Variants in DLEU7 observed in about 807,000 individuals in gnomAD.
DLEU7 encodes the protein leukemia-associated protein 7.
In DLEU7, 17 loss-of-function variants were observed where a neutral mutation model predicts 16.0. That is an observed-to-expected ratio of 1.06 (90% CI 0.73 to 1.59). The LOEUF (loss-of-function observed/expected upper bound fraction) is 1.59, where lower values mean the gene tolerates loss of function less well. Among genes scored for constraint, DLEU7 ranks in the 40% most tolerant of loss-of-function variants. The pLI is 0.00. For missense variants in DLEU7, 308 were observed against 314.9 expected (o/e 0.98, Z 0.17); for synonymous variants, 113 against 139.8 (o/e 0.81, Z 1.35).
intron 1 of DLEU7, among the ~76,000 whole-genome samples, chr13:50,734,194 T>C (rs1304202878): frequency 2.6e-5 from 4 of 152,224 alleles, no homozygotes; most frequent in Non-Finnish European, 5.9e-5. Context: ...CAAGTCACTC[T>C]ATATCTTTTG....
In DLEU7 at chr13:50,778,355, G is replaced by A. The variant is rs181701210; in HGVS notation, c.459+64833C>T. On this transcript the variant is annotated intron_variant, in intron 1 of 1. Transcript: ENST00000400393. ...CCCTTCCCTGACATGTGGGGATTACGATTTGACGTGAGATTTTGGTAGGGA... is the reference window on the plus strand; with the variant it reads ...CCCTTCCCTGACATGTGGGGATTACAATTTGACGTGAGATTTTGGTAGGGA... 3.9e-5 allele frequency among the ~76,000 whole-genome samples: 6 copies of A among 152,246 alleles called. No individual in the cohort carries two copies. The East Asian group carries it at 9.6e-4, about 24-fold the overall frequency.
chr13:50,805,802 C>T (rs1423042688), intron 1 of DLEU7, among the ~76,000 whole-genome samples: 1 of 152,184 alleles, frequency 6.6e-6, no homozygotes, highest in African/African-American at 2.4e-5. Flanking sequence ...GAACAAATAT[C>T]AGCAAACTAT....
chr13:50,843,100 A>G lies in DLEU7; in HGVS notation c.459+88T>C. On this transcript the variant is annotated intron_variant, in intron 1 of 1. Coordinates refer to ENST00000504404, the MANE Select transcript of DLEU7 (RefSeq NM_001306135.2). The surrounding 1 kb of genome is among the most constrained non-coding windows in gnomAD (Gnocchi z 5.7). The stretch of plus-strand genomic sequence containing the variant: ...GGGCAGCAGTGTTTGGGATCCTGCG[A>G]TCCACCCATCGCCATCCCAGCAGCC... The G allele has an allele frequency of 7.8e-7, 1 of 1,282,406 alleles. No individual in the cohort carries two copies. Among genetic ancestry groups the G allele is most frequent in the Non-Finnish European group, 1.0e-6 (1 of 954,874 alleles). The allele number at this position is 1,282,406 out of a possible 1,614,324, so 79.4% of individuals were successfully genotyped here.
intron 1 of DLEU7, among the ~76,000 whole-genome samples, chr13:50,782,483 T>C (rs1875681762): frequency 6.6e-6 from 1 of 152,190 alleles, no homozygotes; most frequent in South Asian, 2.1e-4. Context: ...CTCAACCTCC[T>C]TGTCCAAGAA....
chr13:50,774,513 C>T (rs1027666479), intron 1 of DLEU7, among the ~76,000 whole-genome samples: 3 of 152,222 alleles, frequency 2.0e-5, no homozygotes, highest in African/African-American at 4.8e-5. Context: ...TGTCTTCTTT[C>T]GATGCTTTTA....
intron 1 of DLEU7, among the ~76,000 whole-genome samples, chr13:50,735,094 G>A (rs947855345): frequency 1.3e-5 from 2 of 152,002 alleles, no homozygotes; most frequent in African/African-American, 4.8e-5. Context: ...CAATTCTCCA[G>A]GAAGATTTTT....
chr13:50,826,705 A>G (rs1877097131), intron 1 of DLEU7, among the ~76,000 whole-genome samples: 1 of 152,184 alleles, frequency 6.6e-6, no homozygotes, highest in Non-Finnish European at 1.5e-5. Flanking sequence ...GAAGTAAAAT[A>G]TGTCATAGGG....
At chr13:50,770,690 A>G (rs561062461) in intron 1 of DLEU7, among the ~76,000 whole-genome samples, 7 of 152,070 alleles carry the variant, frequency 4.6e-5, no homozygotes, top group Non-Finnish European at 1.5e-5. Context: ...TTTATTGAGG[A>G]TTTTCGCATC....
chr13:50,774,307 G>T (rs1269630279), intron 1 of DLEU7, among the ~76,000 whole-genome samples: 2 of 152,148 alleles, frequency 1.3e-5, no homozygotes, highest in African/African-American at 4.8e-5. Context: ...AGATGAACCA[G>T]CTACTACAGT....
intron 1 of DLEU7, among the ~76,000 whole-genome samples, chr13:50,770,585 C>T (rs578067155): frequency 2.7e-4 from 41 of 152,238 alleles, no homozygotes; most frequent in Middle Eastern, 3.4e-3. Flanking sequence ...TATTGATTTG[C>T]ATATGTTAAA....
intron 1 of DLEU7, among the ~76,000 whole-genome samples, chr13:50,737,063 G>C (rs779506051): frequency 6.6e-6 from 1 of 152,006 alleles, no homozygotes; most frequent in Non-Finnish European, 1.5e-5. Flanking sequence ...TGTGGGGTGG[G>C]GGAACTCCAA....
chr13:50,793,105 C>T (rs1056663205), intron 1 of DLEU7, among the ~76,000 whole-genome samples: 17 of 151,944 alleles, frequency 1.1e-4, no homozygotes, highest in Non-Finnish European at 1.8e-4. Flanking sequence ...GTTTAGCTTC[C>T]GCTTACAAGT....
intron 1 of DLEU7, among the ~76,000 whole-genome samples, chr13:50,803,335 T>A (rs1369959622): frequency 1.3e-5 from 2 of 152,192 alleles, no homozygotes; most frequent in Non-Finnish European, 2.9e-5. Flanking sequence ...TAATTTAACT[T>A]GAAATTCTCT....
chr13:50,738,591 C>G (rs1874151963), intron 1 of DLEU7, among the ~76,000 whole-genome samples: 2 of 152,040 alleles, frequency 1.3e-5, no homozygotes. Context: ...TTCCAAAGTT[C>G]TTCCCATGCC....
chr13:50,732,305 C>T (rs184289839), intron 1 of DLEU7, among the ~76,000 whole-genome samples: 1 of 152,174 alleles, frequency 6.6e-6, no homozygotes, highest in Admixed American at 6.5e-5. Flanking sequence ...TACTGTATTG[C>T]TTTTTAAAAA....
Position 50,843,478 on chromosome 13 carries a change from GCGGGCCTGAGCGA to G in DLEU7, c.156_168del (p.Ser54GlyfsTer33), listed in dbSNP as rs540954800. ...CGCCCGGGCCCCGGCCGGGCCCGCG[GCGGGCCTGAGCGA>G]CGGGCTGGAGCGGTGGACACGTGGT... is the stretch of plus-strand genomic sequence containing the variant. On this transcript the variant is annotated frameshift_variant, in exon 1 of 2. Transcript: ENST00000504404. LOFTEE classifies it high-confidence loss of function. This position sits in a 1 kb window ranked among gnomAD's most constrained non-coding sequence, Gnocchi z 5.7. 17 of 1,340,358 alleles carry G rather than the reference GCGGGCCTGAGCGA, an allele frequency of 1.3e-5. No individual in the cohort carries two copies. In the South Asian group the frequency reaches 3.2e-4, roughly 25 times the overall value. The allele number at this position is 1,340,358 out of a possible 1,614,324, so 83.0% of individuals were successfully genotyped here.
chr13:50,804,238 A>G (rs1488742225), intron 1 of DLEU7, among the ~76,000 whole-genome samples: 1 of 151,946 alleles, frequency 6.6e-6, no homozygotes, highest in African/African-American at 2.4e-5. Flanking sequence ...AATCATATAT[A>G]GACTCCCAAA....
At chr13:50,716,660 T>A (rs1226928870) in intron 1 of DLEU7, among the ~76,000 whole-genome samples, 1 of 152,250 alleles carries the variant, frequency 6.6e-6, no homozygotes, top group East Asian at 1.9e-4. Flanking sequence ...ATGTCTCCCC[T>A]GCCTTGTTCA....
At chr13:50,757,736 A>G (rs1204574803) in intron 1 of DLEU7, among the ~76,000 whole-genome samples, 1 of 152,230 alleles carries the variant, frequency 6.6e-6, no homozygotes, top group East Asian at 1.9e-4. Flanking sequence ...GTGATTATAA[A>G]ATAGGAATTT....
Sources: gnomAD v4.1 joint callset for allele counts (sites outside exome capture counted in the v4.1 genomes callset) on GRCh38, gnomAD v4.1.1 for gene constraint, Gnocchi (gnomAD v3.1) non-coding constraint, MANE v1.5 for transcripts, NCBI Gene and HGNC (gene_info 2026-07-23, HGNC 2026-07-21) for gene names.